GC: variants seen among roughly 807,000 people sequenced by gnomAD.
The protein encoded by GC is vitamin D-binding protein.
A neutral mutation model predicts 56.7 loss-of-function variants in GC; 43 were observed. The observed-to-expected ratio is 0.76, with a 90% CI of 0.59 to 0.98. GC has a LOEUF of 0.98. Among genes scored for constraint, GC ranks in the 50% least tolerant of loss-of-function variants. The pLI is 0.00. For missense variants in GC, 529 were observed against 545.9 expected (o/e 0.97, Z 0.31); for synonymous variants, 216 against 202.7 (o/e 1.07, Z -0.56).
intron 11 of GC, among the ~76,000 whole-genome samples, chr4:71,751,988 A>T (rs966166859): frequency 6.6e-6 from 1 of 152,030 alleles, no homozygotes; most frequent in African/African-American, 2.4e-5. Flanking sequence ...GTTAAATAAT[A>T]TTTTTATAAT....
chr4:71,790,003 C>T (rs145993282), intron 1 of GC, among the ~76,000 whole-genome samples: 76 of 151,884 alleles, frequency 5.0e-4, no homozygotes, highest in African/African-American at 1.7e-3. Context: ...AGCACTTCCC[C>T]TTGTAGTTTT....
intron 1 of GC, among the ~76,000 whole-genome samples, chr4:71,781,768 A>C (rs1163051890): frequency 1.3e-5 from 2 of 151,838 alleles, no homozygotes; most frequent in Non-Finnish European, 2.9e-5. Context: ...GGTACTAACC[A>C]GATTTAGCAG....
At chr4:71,750,912 G>C (rs28677829) in intron 11 of GC, among the ~76,000 whole-genome samples, 14,677 of 151,692 alleles carry the variant, frequency 0.097, 1,079 homozygotes, top group African/African-American at 0.2. Context: ...AAAAAAAAAC[G>C]GGTTTAAGGG....
At chr4:71,795,376 C>T (rs900815330) in intron 1 of GC, among the ~76,000 whole-genome samples, 1 of 152,168 alleles carries the variant, frequency 6.6e-6, no homozygotes, top group African/African-American at 2.4e-5. Context: ...GCATAGTTAG[C>T]TCTTCTTATT....
chr4:71,771,443 T>C (rs887700460), intron 1 of GC, among the ~76,000 whole-genome samples: 4 of 152,048 alleles, frequency 2.6e-5, no homozygotes, highest in Non-Finnish European at 4.4e-5. Context: ...TTTGGATGGA[T>C]ACCCCCCCAA....
intron 1 of GC, among the ~76,000 whole-genome samples, chr4:71,802,677 T>A (rs1310262818): frequency 6.6e-6 from 1 of 152,244 alleles, no homozygotes; most frequent in Non-Finnish European, 1.5e-5. Context: ...TCTTTCTTGA[T>A]ATCTGAGAGT....
chr4:71,782,568 T>G (rs1742716754), intron 1 of GC, among the ~76,000 whole-genome samples: 2 of 151,840 alleles, frequency 1.3e-5, no homozygotes, highest in Non-Finnish European at 1.5e-5. Context: ...CTGAGAATGT[T>G]GAAATATAGA....
rs75580549 is a variant in GC, at chr4:71,757,047, G to A, written c.832-133C>T. On this transcript the variant is annotated intron_variant, in intron 7 of 12. Coordinates refer to ENST00000273951, the MANE Select transcript of GC (RefSeq NM_000583.4). ...TATGAAGACTCTCAGAAAGAAAATT[G>A]GTACAATATTTGGAAAGGCAGTTTG... 2.1e-3 allele frequency: 1,306 copies of A among 624,244 alleles called. 18 individuals are homozygous for A. The African/African-American group carries it at 0.022, about 11-fold the overall frequency. The allele number at this position is 624,244 out of a possible 1,614,324, so 38.7% of individuals were successfully genotyped here.
upstream of GC, among the ~76,000 whole-genome samples, chr4:71,804,729 C>T (rs944212367): frequency 1.3e-5 from 2 of 152,050 alleles, no homozygotes; most frequent in African/African-American, 4.8e-5. Flanking sequence ...GTTCATATAC[C>T]CAATTGCCTT....
chr4:71,774,746 C>G (rs1442535559), intron 1 of GC, among the ~76,000 whole-genome samples: 2 of 151,922 alleles, frequency 1.3e-5, no homozygotes, highest in Non-Finnish European at 2.9e-5. Context: ...TTGTGGTTAT[C>G]ACAGTTTACA....
upstream of GC, among the ~76,000 whole-genome samples, chr4:71,788,581 CAG>C (rs767176330): frequency 8.7e-4 from 100 of 114,966 alleles, no homozygotes; most frequent in Non-Finnish European, 1.4e-3. Context: ...TGAAGAGAAA[CAG>C]ATATTTAAGA....
rs576647761 is a variant in GC at position 71,778,555 on chromosome 4, C to T, written c.58+5406G>A. Reference sequence around the variant, plus strand: ...CCATGTGAAAATTTGGCCCTTATTACCACACATTCCTGTGTTTCCAGAGAA... The same window carrying T: ...CCATGTGAAAATTTGGCCCTTATTATCACACATTCCTGTGTTTCCAGAGAA... On this transcript the variant is annotated intron_variant, in intron 1 of 12. Coordinates refer to ENST00000273951, the MANE Select transcript of GC (RefSeq NM_000583.4). Among the ~76,000 whole-genome samples the T allele has an allele frequency of 2.8e-4, 42 of 151,996 alleles. No homozygotes were observed. The South Asian group carries it at 8.5e-3, about 31-fold the overall frequency.
At position 71,794,757 on chromosome 4, in the gene GC, T is replaced by G. The variant is rs141618049; in HGVS notation, c.21+9169A>C. ...TCTTTCCATTGTGATATTAGGGTGT[T>G]GATTTTTTATCTTTCCTGCTTTCTC... On this transcript the variant is annotated intron_variant, in intron 1 of 13. Coordinates refer to the GC transcript ENST00000504199. Among the ~76,000 whole-genome samples the G allele has an allele frequency of 3.6e-3, 548 of 152,236 alleles. 1 individual carries two copies. The highest frequency in any genetic ancestry group is 6.4e-3 in the Non-Finnish European group (433 of 67,982).
intron 1 of GC, among the ~76,000 whole-genome samples, chr4:71,774,115 G>T (rs1742429903): frequency 6.6e-6 from 1 of 151,944 alleles, no homozygotes; most frequent in Non-Finnish European, 1.5e-5. Context: ...TCAATGAAAA[G>T]AAATTCAACC....
Position 71,765,596 on chromosome 4 carries a change from G to T in GC, c.309C>A (p.Pro103=). The T allele has an allele frequency of 6.2e-7, 1 of 1,613,542 alleles. No homozygotes were observed. ...AGCACTCAGCAGTGCCTGGGTGAAC[G>T]GGGAATGGAGAATTACTTTCACAGG... The part of the protein sequence containing the change: ...AKSCESNSPF[P]VHPGTAECCT... Residue 103 remains proline, a synonymous_variant, in exon 4 of 13, where the codon CCC becomes CCA. Transcript: ENST00000273951.
intron 1 of GC, among the ~76,000 whole-genome samples, chr4:71,802,430 C>T (rs535869848): frequency 6.6e-6 from 1 of 152,234 alleles, no homozygotes; most frequent in South Asian, 2.1e-4. Flanking sequence ...AAAACAAGAT[C>T]TTTAGGATAG....
Position 71,790,756 on chromosome 4 carries a change from T to A in GC, c.22-6702A>T, listed in dbSNP as rs140380223. Among the ~76,000 whole-genome samples, 192 of 151,556 alleles carry A rather than the reference T, an allele frequency of 1.3e-3. 1 individual carries two copies. Among genetic ancestry groups the A allele is most frequent in the African/African-American group, 4.3e-3 (178 of 41,296 alleles). On this transcript the variant is annotated intron_variant, in intron 1 of 13. Coordinates refer to the GC transcript ENST00000504199. ...CCTACACTTTTCACTTTCTTTTTTT[T>A]AATTTAATTTAATTTTATTATTATT...
intron 11 of GC, among the ~76,000 whole-genome samples, chr4:71,748,270 A>G (rs910661958): frequency 2.0e-5 from 3 of 152,174 alleles, no homozygotes; most frequent in African/African-American, 7.2e-5. Context: ...AAATCAAGTT[A>G]TACTGAGAGA....
chr4:71,756,832 G>A lies in GC; in HGVS notation c.914C>T (p.Ala305Val), dbSNP rs774383845. 6.2e-7 allele frequency: 1 copy of A among 1,612,656 alleles called. No homozygotes were observed. The highest frequency in any genetic ancestry group is 1.1e-5 in the South Asian group (1 of 91,028). Residue 305 changes from alanine to valine, a missense_variant, in exon 8 of 13, where the codon GCC becomes GTC. Coordinates refer to ENST00000273951, the MANE Select transcript of GC (RefSeq NM_000583.4). The stretch of plus-strand genomic sequence containing the variant: ...GTAAGTGCACACAAAAACGTCCATG[G>A]CTGTTTTTTCTTGACAACAGTCTTC... The part of the protein sequence containing the change: ...KFEDCCQEKT[A>V]MDVFVCTYFM...
Sources: gnomAD v4.1 joint callset for allele counts (sites outside exome capture counted in the v4.1 genomes callset) on GRCh38, gnomAD v4.1.1 for gene constraint, MANE v1.5 for transcripts, NCBI Gene and HGNC (gene_info 2026-07-23, HGNC 2026-07-21) for gene names.